Variants in CWC27 observed in about 807,000 individuals in gnomAD.
CWC27 encodes the protein spliceosome-associated protein CWC27 homolog.
Under a neutral mutation model 63.6 loss-of-function variants are expected in CWC27, and 47 were observed. The observed-to-expected ratio is 0.74, with a 90% CI of 0.58 to 0.94. The LOEUF is 0.94. CWC27 is among the 40% of genes least tolerant of loss of function. The probability of loss-of-function intolerance (pLI) is 0.00; values close to 1 mark genes in which losing one functional copy is unlikely to be tolerated. For synonymous variants in CWC27, 175 were observed against 179.8 expected (o/e 0.97, Z 0.22); for missense variants, 495 against 554.3 (o/e 0.89, Z 1.07).
intron 2 of CWC27, among the ~76,000 whole-genome samples, chr5:64,780,565 A>T (rs1743638090): frequency 6.7e-6 from 1 of 148,284 alleles, no homozygotes; most frequent in South Asian, 2.1e-4. Flanking sequence ...CAAACAATAT[A>T]TATCAAAATT....
At chr5:64,787,493 A>G (rs1302212553) in intron 6 of CWC27, among the ~76,000 whole-genome samples, 13 of 151,988 alleles carry the variant, frequency 8.6e-5, no homozygotes. Context: ...TAATGACTGC[A>G]TGATTGCATT....
chr5:64,794,629 A>G (rs1336528807), intron 7 of CWC27, among the ~76,000 whole-genome samples: 8 of 152,154 alleles, frequency 5.3e-5, no homozygotes, highest in Admixed American at 6.6e-5. Context: ...ACCACCTAAC[A>G]TAGGGAATGC....
At chr5:64,850,160 A>C (rs1746099049) in intron 10 of CWC27, among the ~76,000 whole-genome samples, 1 of 151,298 alleles carries the variant, frequency 6.6e-6, no homozygotes, top group Non-Finnish European at 1.5e-5. Context: ...GTATCATACT[A>C]CCTGATTTTA....
chr5:65,015,142 A>G (rs1375054209), intron 13 of CWC27, among the ~76,000 whole-genome samples: 1 of 152,036 alleles, frequency 6.6e-6, no homozygotes, highest in Non-Finnish European at 1.5e-5. Context: ...ATGTGTCTAG[A>G]GTTCATTTTT....
intron 13 of CWC27, among the ~76,000 whole-genome samples, chr5:64,981,043 G>T (rs776171511): frequency 6.6e-6 from 1 of 152,014 alleles, no homozygotes; most frequent in Non-Finnish European, 1.5e-5. Flanking sequence ...AGTGAGCCGA[G>T]CTCATGCCAC....
Position 64,783,866 on chromosome 5 carries a change from C to A in CWC27, c.283C>A (p.Arg95=). 1 of 1,584,440 alleles carries A rather than the reference C, an allele frequency of 6.3e-7. No homozygotes were observed. The highest frequency in any genetic ancestry group is 8.6e-7 in the Non-Finnish European group (1 of 1,169,078). ...DEFHSRLRFN[R]RGLVAMANAG... ...ATTTCATTCACGGTTGCGTTTTAAT[C>A]GGAGAGGACTGGTTGCCATGGCAAA... Residue 95 remains arginine (R), a synonymous_variant, in exon 4 of 14, where the codon CGG becomes AGG. Coordinates refer to ENST00000381070, the MANE Select transcript of CWC27 (RefSeq NM_005869.4).
intron 7 of CWC27, among the ~76,000 whole-genome samples, chr5:64,792,338 G>C (rs769678130): frequency 6.6e-5 from 10 of 152,204 alleles, no homozygotes; most frequent in Non-Finnish European, 1.2e-4. Context: ...CCAAGGAAAT[G>C]TAGGAAACAC....
intron 13 of CWC27, among the ~76,000 whole-genome samples, chr5:64,994,639 C>T (rs2112461075): frequency 6.6e-6 from 1 of 152,134 alleles, no homozygotes; most frequent in East Asian, 1.9e-4. Context: ...TCCCCCCATT[C>T]CCCTTTCTAG....
chr5:64,769,441 C>T (rs566579207), intron 1 of CWC27, among the ~76,000 whole-genome samples: 74 of 152,340 alleles, frequency 4.9e-4, no homozygotes, highest in Admixed American at 8.5e-4. Context: ...TAACCCAACT[C>T]ATGCAGCCGA....
intron 11 of CWC27, among the ~76,000 whole-genome samples, chr5:64,959,907 T>C (rs1016003189): frequency 1.3e-5 from 2 of 152,172 alleles, no homozygotes; most frequent in African/African-American, 4.8e-5. Context: ...GAGGGCAATA[T>C]AAACAAAGAA....
At chr5:64,945,441 CT>C (rs1460858699) in intron 11 of CWC27, among the ~76,000 whole-genome samples, 4 of 152,124 alleles carry the variant, frequency 2.6e-5, no homozygotes, top group Admixed American at 2.6e-4. Flanking sequence ...ATAATACATC[CT>C]TTGATACTGA....
At chr5:64,803,421 T>C (rs1458636025) in intron 9 of CWC27, among the ~76,000 whole-genome samples, 7 of 152,126 alleles carry the variant, frequency 4.6e-5, no homozygotes, top group African/African-American at 7.2e-5. Context: ...TTTGCTGTAA[T>C]TGGATGACAG....
At position 64,781,029 on chromosome 5, in the gene CWC27, G is replaced by A. The variant is rs146669043; in HGVS notation, c.140-892G>A. On this transcript the variant is annotated intron_variant, in intron 2 of 13. Transcript: ENST00000381070. The stretch of plus-strand genomic sequence containing the variant: ...ATTCCTGCTTCCCACTCAATTTGTC[G>A]CTTATACTTTGCCTCACTGAGATGC... 3.0e-3 allele frequency among the ~76,000 whole-genome samples: 455 copies of A among 152,040 alleles called. 4 individuals carry two copies. The highest frequency in any genetic ancestry group is 8.7e-3 in the East Asian group (45 of 5,180).
chr5:64,999,715 C>A (rs776824394), intron 13 of CWC27, among the ~76,000 whole-genome samples: 2 of 151,998 alleles, frequency 1.3e-5, no homozygotes, highest in South Asian at 4.1e-4. Context: ...ATATGTACCA[C>A]GTTTTCTTTA....
At chr5:64,843,613 T>A (rs1745901665) in intron 10 of CWC27, among the ~76,000 whole-genome samples, 1 of 152,166 alleles carries the variant, frequency 6.6e-6, no homozygotes, top group African/African-American at 2.4e-5. Flanking sequence ...TTTTGACATA[T>A]CTATATCTAG....
chr5:64,893,827 G>A (rs542471794), intron 11 of CWC27, among the ~76,000 whole-genome samples: 6 of 152,116 alleles, frequency 3.9e-5, no homozygotes, highest in South Asian at 2.1e-4. Context: ...CTTAACGAAC[G>A]TCTTACTCAT....
intron 11 of CWC27, among the ~76,000 whole-genome samples, chr5:64,967,072 G>T (rs1749029395): frequency 6.6e-6 from 1 of 151,858 alleles, no homozygotes; most frequent in African/African-American, 2.4e-5. Context: ...TATGAAAACT[G>T]CTTATTTCTA....
chr5:64,885,652 C>T (rs1233624527), intron 11 of CWC27, 106 bp downstream of exon 11: 7 of 780,766 alleles, frequency 9.0e-6, no homozygotes, highest in Non-Finnish European at 1.2e-5. Flanking sequence ...TTCTCCTTTC[C>T]TTCTCATTTT....
chr5:64,956,131 C>G (rs1404670763), intron 11 of CWC27, among the ~76,000 whole-genome samples: 1 of 151,934 alleles, frequency 6.6e-6, no homozygotes, highest in East Asian at 1.9e-4. Context: ...TAGAATGGTT[C>G]AACACATTTA....
Sources: allele counts gnomAD v4.1 joint callset (sites outside exome capture counted in the v4.1 genomes callset), GRCh38; gene constraint gnomAD v4.1.1; transcripts MANE v1.5; gene names NCBI Gene and HGNC (gene_info 2026-07-23, HGNC 2026-07-21).